The following ADRA1B variants were observed in gnomAD, a reference collection of about 807,000 sequenced individuals.
ADRA1B encodes alpha-1B adrenergic receptor.
A neutral mutation model predicts 17.9 loss-of-function variants in ADRA1B; 17 were observed. The observed-to-expected ratio is 0.95, with a 90% CI of 0.65 to 1.42. The LOEUF (loss-of-function observed/expected upper bound fraction) is 1.42, where lower values mean the gene tolerates loss of function less well. Ranked by LOEUF, ADRA1B falls within the 40% of genes most tolerant of loss-of-function variation. The pLI, the probability that ADRA1B is intolerant of heterozygous loss-of-function variation, is 0.00. For missense variants in ADRA1B, 681 were observed against 722.1 expected (o/e 0.94, Z 0.65); for synonymous variants, 366 against 327.6 (o/e 1.12, Z -1.27).
the ADRA1B span, among the ~76,000 whole-genome samples, chr5:159,981,798 G>T: frequency 6.6e-6 from 1 of 152,182 alleles, no homozygotes; most frequent in African/African-American, 2.4e-5. Context: ...ACCCAGCCTA[G>T]ATGTCACTTT....
chr5:159,886,883 A>G (rs1467588053), intron 1 of ADRA1B, among the ~76,000 whole-genome samples: 1 of 152,158 alleles, frequency 6.6e-6, no homozygotes, highest in Non-Finnish European at 1.5e-5. Context: ...ATACATACAT[A>G]TACATATATA....
In ADRA1B at chr5:159,929,466, T is replaced by A. The variant is rs1012569512; in HGVS notation, c.949+11612T>A. 5.0e-3 allele frequency among the ~76,000 whole-genome samples: 747 copies of A among 149,994 alleles called. 3 individuals are homozygous for A. The highest frequency in any genetic ancestry group is 0.012 in the African/African-American group (491 of 40,930). Reference sequence around the variant, plus strand: ...TTGGTTTTTGTATTTTTTTTTTTTTTAAAAAGAGGGTTTTTTTTCTCACCC... The same window carrying A: ...TTGGTTTTTGTATTTTTTTTTTTTTAAAAAAGAGGGTTTTTTTTCTCACCC... On this transcript the variant is annotated intron_variant, in intron 1 of 1. Transcript: ENST00000306675.
rs562527455 is a variant in ADRA1B, at chr5:159,880,445, T to TA, written c.-256+15243dup. ...GCCTATAGAAGTTAAATAACTGGCC[T>TA]AAAATTACAAAGACCATGTGGACCC... On this transcript the variant is annotated intron_variant, in intron 1 of 2. Transcript: ENST00000641205. Among the ~76,000 whole-genome samples, 37 of 152,340 alleles carry TA rather than the reference T, an allele frequency of 2.4e-4. No individual in the cohort carries two copies. The East Asian group carries it at 7.1e-3, about 29-fold the overall frequency.
At chr5:159,979,771 G>A in the ADRA1B span, among the ~76,000 whole-genome samples, 2 of 152,214 alleles carry the variant, frequency 1.3e-5, no homozygotes, top group South Asian at 4.1e-4. Context: ...TGGAGGCTGA[G>A]GCAGGAGAGT....
chr5:159,865,286 T>C (rs758049648), intron 1 of ADRA1B: 1 of 152,148 alleles, frequency 6.6e-6, no homozygotes, highest in South Asian at 2.1e-4. Context: ...TAAGTTTGGC[T>C]CAATCACTTG....
At chr5:159,902,575 C>A (rs756324246) in intron 1 of ADRA1B, among the ~76,000 whole-genome samples, 1 of 152,124 alleles carries the variant, frequency 6.6e-6, no homozygotes, top group Non-Finnish European at 1.5e-5. Flanking sequence ...ACTCCTGGGG[C>A]CCTCCCACTC....
chr5:159,881,474 C>T (rs116749599), intron 1 of ADRA1B, among the ~76,000 whole-genome samples: 2,066 of 152,200 alleles, frequency 0.014, 31 homozygotes, highest in Non-Finnish European at 0.018. Flanking sequence ...TGGCAGCTGT[C>T]CCAAAGACAT....
downstream of ADRA1B, among the ~76,000 whole-genome samples, chr5:159,973,023 T>C (rs1755917123): frequency 6.6e-6 from 1 of 152,144 alleles, no homozygotes; most frequent in African/African-American, 2.4e-5. Flanking sequence ...CGGCTTTGAG[T>C]GGTTTGTGGA....
At chr5:159,928,407 C>A (rs1037704105) in intron 1 of ADRA1B, among the ~76,000 whole-genome samples, 11 of 152,274 alleles carry the variant, frequency 7.2e-5, no homozygotes, top group Middle Eastern at 3.4e-3. Context: ...CATCTGACCA[C>A]CCTTTGAACA....
intron 1 of ADRA1B, chr5:159,870,284 C>A (rs1483406507): frequency 6.6e-6 from 1 of 152,190 alleles, no homozygotes; most frequent in Non-Finnish European, 1.5e-5. Flanking sequence ...TTTAAGTCCA[C>A]AGAGAAAGCA....
In ADRA1B at chr5:159,972,132, G is replaced by A. The variant is rs2113299954; in HGVS notation, c.1203G>A (p.Gln401=). 3.0e-6 allele frequency: 4 copies of A among 1,333,958 alleles called. No individual in the cohort carries two copies. Among genetic ancestry groups the A allele is most frequent in the East Asian group, 3.3e-5 (1 of 30,340 alleles). The allele number at this position is 1,333,958 out of a possible 1,614,324, so 82.6% of individuals were successfully genotyped here. ...WTRGGSLERS[Q]SRKDSLDDSG... ...GCGGCGGCTCGCTGGAGCGCTCGCA[G>A]TCGCGCAAGGACTCGCTGGACGACA... Residue 401 remains glutamine (Q), a synonymous_variant, in exon 2 of 2, where the codon CAG becomes CAA. Coordinates refer to ENST00000306675, the MANE Select transcript of ADRA1B (RefSeq NM_000679.4).
chr5:159,889,835 C>T (rs940646330), intron 1 of ADRA1B, among the ~76,000 whole-genome samples: 1 of 152,204 alleles, frequency 6.6e-6, no homozygotes, highest in Admixed American at 6.5e-5. Flanking sequence ...CTGTCTGTTG[C>T]TTGCAACCAA....
At chr5:159,962,610 A>T (rs1363776173) in intron 1 of ADRA1B, among the ~76,000 whole-genome samples, 1 of 152,004 alleles carries the variant, frequency 6.6e-6, no homozygotes, top group Non-Finnish European at 1.5e-5. Flanking sequence ...GGAGCTAAAA[A>T]AGTTGGCGGC....
At chr5:159,979,698 T>A in the ADRA1B span, among the ~76,000 whole-genome samples, 1 of 151,942 alleles carries the variant, frequency 6.6e-6, no homozygotes, top group South Asian at 2.1e-4. Context: ...TGAAACCCCA[T>A]CTCTACTAAA....
At chr5:159,965,483 C>T (rs1316008602) in intron 1 of ADRA1B, among the ~76,000 whole-genome samples, 2 of 152,236 alleles carry the variant, frequency 1.3e-5, no homozygotes, top group African/African-American at 4.8e-5. Context: ...TCACCCACCA[C>T]ACTCTTCTCC....
intron 1 of ADRA1B, among the ~76,000 whole-genome samples, chr5:159,960,015 A>G (rs1247430114): frequency 6.6e-6 from 1 of 152,166 alleles, no homozygotes; most frequent in Non-Finnish European, 1.5e-5. Flanking sequence ...CCATTTCCAC[A>G]TTTGTAAATT....
chr5:159,965,558 A>T (rs7736290), intron 1 of ADRA1B, among the ~76,000 whole-genome samples: 8,453 of 152,270 alleles, frequency 0.056, 781 homozygotes, highest in African/African-American at 0.19. Flanking sequence ...TACATGCCTA[A>T]CAGGCTTAGC....
intron 1 of ADRA1B, chr5:159,947,847 G>A (rs55835877): frequency 0.14 from 140,645 of 985,278 alleles, 10,611 homozygotes; most frequent in Non-Finnish European, 0.15. Context: ...ATTGAGAAAG[G>A]AGCCAGCAAT....
intron 1 of ADRA1B, among the ~76,000 whole-genome samples, chr5:159,921,763 C>A (rs1490283837): frequency 6.6e-6 from 1 of 152,180 alleles, no homozygotes; most frequent in Non-Finnish European, 1.5e-5. Flanking sequence ...AAATAGAAAT[C>A]CCTCTCTCCA....
Sources: allele counts gnomAD v4.1 joint callset (sites outside exome capture counted in the v4.1 genomes callset), GRCh38; gene constraint gnomAD v4.1.1; transcripts MANE v1.5; gene names NCBI Gene and HGNC (gene_info 2026-07-23, HGNC 2026-07-21).